The following TCF20 variants were observed in gnomAD, a reference collection of about 807,000 sequenced individuals.
The protein encoded by TCF20 is SPRE-binding protein.
Under a neutral mutation model 148.6 loss-of-function variants are expected in TCF20, and 3 were observed. The ratio of observed to expected loss-of-function variants is 0.02; its 90% CI spans 0.01 to 0.05. The LOEUF (loss-of-function observed/expected upper bound fraction) is 0.05, where lower values mean the gene tolerates loss of function less well. TCF20 is among the 10% of genes least tolerant of loss of function. TCF20 has a pLI of 1.00. For synonymous variants in TCF20, 1,049 were observed against 909.5 expected (o/e 1.15, Z -2.76); for missense variants, 2,350 against 2,429.3 (o/e 0.97, Z 0.69).
chr22:42,296,096 T>C (rs563069357), intron 1 of TCF20, among the ~76,000 whole-genome samples: 1 of 152,330 alleles, frequency 6.6e-6, no homozygotes, highest in South Asian at 2.1e-4. Context: ...CATCTGAGTT[T>C]TGTGAGGACT....
chr22:42,272,164 C>T (rs1926645994), upstream of TCF20, among the ~76,000 whole-genome samples: 1 of 152,248 alleles, frequency 6.6e-6, no homozygotes, highest in African/African-American at 2.4e-5. Context: ...CTGAACAAGC[C>T]ACGGGGCCCT....
chr22:42,332,622 G>T (rs1007154244), intron 1 of TCF20, among the ~76,000 whole-genome samples: 5 of 152,120 alleles, frequency 3.3e-5, no homozygotes, highest in African/African-American at 1.2e-4. Context: ...TCCTGCCTCA[G>T]CCTCCCTGCT....
Position 42,242,227 on chromosome 22 carries a change from A to AAAAAAAAAAAAAT in TCF20, c.-36-26887_-36-26886insATTTTTTTTTTTT, listed in dbSNP as rs1491280192. On this transcript the variant is annotated intron_variant, in intron 1 of 5. Coordinates refer to ENST00000677622, the MANE Select transcript of TCF20 (RefSeq NM_001378418.1). ...CAAAAAAAAAAAAAAAAAAAAAAAA[A>AAAAAAAAAAAAAT]CAGAAAAGAAAGGGTGACTACAAGG... is the stretch of plus-strand genomic sequence containing the variant. Among the ~76,000 whole-genome samples the AAAAAAAAAAAAAT allele has an allele frequency of 2.0e-3, 241 of 122,720 alleles. 21 individuals are homozygous for AAAAAAAAAAAAAT. Among genetic ancestry groups the AAAAAAAAAAAAAT allele is most frequent in the African/African-American group, 6.0e-3 (187 of 31,316 alleles). 80.5% of individuals were successfully genotyped at this position (122,720 alleles called of 152,430 possible). A position where few individuals can be genotyped will look rare whatever the true frequency, so the allele number is the denominator to read the frequency against.
chr22:42,210,498 G>A lies in TCF20; in HGVS notation c.4808C>T (p.Pro1603Leu). The A allele has an allele frequency of 6.2e-7, 1 of 1,614,200 alleles. No individual in the cohort carries two copies. The highest frequency in any genetic ancestry group is 8.5e-7 in the Non-Finnish European group (1 of 1,180,038). Residue 1603 changes from proline to leucine, a missense_variant, in exon 2 of 6, where the codon CCC (proline) becomes CTC (leucine). By Grantham distance (98) the Pro-to-Leu change is moderately conservative. Transcript: ENST00000677622. The surrounding 1 kb of genome is among the most constrained non-coding windows in gnomAD (Gnocchi z 4.7). ...PRKRKTKQAV[P>L]IVEPQEPEIK... ...CTCAGGTTCTTGGGGTTCCACAATG[G>A]GAACTGCTTGTTTGGTTTTTCGCTT...
chr22:42,169,884 T>C lies in TCF20; in HGVS notation c.5762A>G (p.His1921Arg), dbSNP rs1224757204. Residue 1921 changes from histidine (H) to arginine (R), a missense_variant, in exon 4 of 6, where the codon CAT becomes CGT. His to Arg is a conservative substitution (Grantham distance 29). This residue lies in a region of TCF20 where 67 missense variants were observed against 60.8 expected (regional missense o/e 1.10). Coordinates refer to ENST00000677622, the MANE Select transcript of TCF20 (RefSeq NM_001378418.1). ...PCAIDADCLL[H>R]EENFSVRCPK... is the part of the protein sequence containing the mutation. ...GCACCTCACCGAGAAGTTCTCCTCA[T>C]GTAGCAAACAATCTGGAAGACAGAA... is the stretch of plus-strand genomic sequence containing the variant. The C allele has an allele frequency of 1.2e-6, 2 of 1,613,078 alleles. No homozygotes were observed. Among genetic ancestry groups the C allele is most frequent in the Non-Finnish European group, 1.7e-6 (2 of 1,179,950 alleles).
chr22:42,296,536 G>T (rs1163169548), intron 1 of TCF20, among the ~76,000 whole-genome samples: 1 of 152,256 alleles, frequency 6.6e-6, no homozygotes, highest in African/African-American at 2.4e-5. Context: ...CGTTCGAGCT[G>T]CTGCCCACCA....
At chr22:42,302,629 A>G (rs892492618) in intron 1 of TCF20, among the ~76,000 whole-genome samples, 6 of 152,206 alleles carry the variant, frequency 3.9e-5, no homozygotes, top group African/African-American at 1.4e-4. Flanking sequence ...GATGTCTCAC[A>G]TGGTGGGGCC....
intron 2 of TCF20, among the ~76,000 whole-genome samples, chr22:42,196,483 A>T (rs1005808362): frequency 6.6e-6 from 1 of 152,222 alleles, no homozygotes; most frequent in Non-Finnish European, 1.5e-5. Context: ...AGAAACAAGC[A>T]AACAGAATAA....
chr22:42,308,732 G>C (rs1191348187), intron 1 of TCF20, among the ~76,000 whole-genome samples: 3 of 152,158 alleles, frequency 2.0e-5, no homozygotes, highest in Non-Finnish European at 2.9e-5. Context: ...GGTGAGCAGA[G>C]ATGAAGTGAG....
At chr22:42,181,909 T>A (rs899521919) in intron 2 of TCF20, among the ~76,000 whole-genome samples, 1 of 152,084 alleles carries the variant, frequency 6.6e-6, no homozygotes, top group Non-Finnish European at 1.5e-5. Flanking sequence ...TTTCACCCTC[T>A]CAAAAAGAGA....
Position 42,211,630 on chromosome 22 carries a change from C to A in TCF20, c.3676G>T (p.Ala1226Ser), listed in dbSNP as rs1339649798. The A allele has an allele frequency of 4.3e-6, 7 of 1,614,210 alleles. No individual in the cohort carries two copies. Among genetic ancestry groups the A allele is most frequent in the Non-Finnish European group, 5.9e-6 (7 of 1,180,032 alleles). The change falls in exon 2 of 6, where the codon GCT becomes TCT. Residue 1226 changes from alanine (A) to serine (S), a missense_variant. This residue lies in a region of TCF20 where 1,641 missense variants were observed against 1,662.6 expected (regional missense o/e 0.99). Coordinates refer to ENST00000677622, the MANE Select transcript of TCF20 (RefSeq NM_001378418.1). Reference sequence around the variant, plus strand: ...CTACCAGGTTTGGATGACTGTGTAGCCTCAGCTAGTCCATGTCCATCAGTC... The same window carrying A: ...CTACCAGGTTTGGATGACTGTGTAGACTCAGCTAGTCCATGTCCATCAGTC... ...HETDGHGLAE[A>S]TQSSKPGSVM...
intron 1 of TCF20, among the ~76,000 whole-genome samples, chr22:42,222,034 G>A (rs1219745332): frequency 2.0e-5 from 3 of 152,110 alleles, no homozygotes; most frequent in Non-Finnish European, 2.9e-5. Flanking sequence ...CACCGCGCCC[G>A]GCCCCATATG....
intron 1 of TCF20, among the ~76,000 whole-genome samples, chr22:42,226,461 G>A (rs539391218): frequency 2.0e-5 from 3 of 152,236 alleles, no homozygotes; most frequent in East Asian, 1.9e-4. Flanking sequence ...CCAGCACTTC[G>A]GAAGGCTGAG....
chr22:42,321,451 C>A (rs548198120), intron 1 of TCF20, among the ~76,000 whole-genome samples: 1 of 146,198 alleles, frequency 6.8e-6, no homozygotes, highest in Non-Finnish European at 1.6e-5. Context: ...CAGCTCTACA[C>A]CCCTGTCCAC....
At chr22:42,232,303 G>C (rs1198729959) in intron 1 of TCF20, among the ~76,000 whole-genome samples, 1 of 152,050 alleles carries the variant, frequency 6.6e-6, no homozygotes, top group Non-Finnish European at 1.5e-5. Flanking sequence ...CTAGGTGTGT[G>C]TAAGTACATC....
intron 1 of TCF20, among the ~76,000 whole-genome samples, chr22:42,342,349 G>A (rs1219997783): frequency 6.6e-6 from 1 of 152,146 alleles, no homozygotes; most frequent in Non-Finnish European, 1.5e-5. Context: ...GAGTCTCCAG[G>A]GTGGGTACTG....
At chr22:42,237,744 T>C (rs1924012092) in intron 1 of TCF20, among the ~76,000 whole-genome samples, 1 of 152,224 alleles carries the variant, frequency 6.6e-6, no homozygotes, top group African/African-American at 2.4e-5. Flanking sequence ...ATTTATCTCC[T>C]TATACATTTC....
intron 1 of TCF20, among the ~76,000 whole-genome samples, chr22:42,227,119 C>T (rs1412178383): frequency 6.6e-6 from 1 of 152,086 alleles, no homozygotes; most frequent in Non-Finnish European, 1.5e-5. Context: ...CCCGTCTCTA[C>T]TAAAAATACA....
chr22:42,320,945 G>A (rs556518829), intron 1 of TCF20, among the ~76,000 whole-genome samples: 1 of 152,268 alleles, frequency 6.6e-6, no homozygotes, highest in East Asian at 1.9e-4. Context: ...CCACAGTCAT[G>A]GCCATTCCCA....
Sources: gnomAD v4.1 joint callset for allele counts (sites outside exome capture counted in the v4.1 genomes callset) on GRCh38, gnomAD v4.1.1 for gene constraint, gnomAD v4.1.1 regional missense constraint, Gnocchi (gnomAD v3.1) non-coding constraint, MANE v1.5 for transcripts, NCBI Gene and HGNC (gene_info 2026-07-23, HGNC 2026-07-21) for gene names.